The following CLRN3 variants were observed in gnomAD, a reference collection of about 807,000 sequenced individuals.
CLRN3 encodes clarin-3.
In CLRN3, 12 loss-of-function variants were observed where a neutral mutation model predicts 16.7. The observed-to-expected ratio is 0.72, with a 90% CI of 0.46 to 1.16. The LOEUF is 1.16. Ranked by LOEUF, CLRN3 falls within the 50% of genes most tolerant of loss-of-function variation. The pLI is 0.00. For missense variants in CLRN3, 296 were observed against 274.2 expected, an observed-to-expected ratio of 1.08 and a Z score of -0.56; for synonymous variants, 118 against 113.0, an observed-to-expected ratio of 1.04 and a Z score of -0.28.
At chr10:127,885,282 T>C (rs1035310549) in intron 1 of CLRN3, among the ~76,000 whole-genome samples, 2 of 152,010 alleles carry the variant, frequency 1.3e-5, no homozygotes, top group African/African-American at 2.4e-5. Context: ...CCAAGTCCCC[T>C]CCCCTTTCCC....
At chr10:127,882,499 T>C (rs1845140692) in intron 2 of CLRN3, among the ~76,000 whole-genome samples, 1 of 152,258 alleles carries the variant, frequency 6.6e-6, no homozygotes, top group African/African-American at 2.4e-5. Flanking sequence ...CATGTGGCTG[T>C]GTTTACACGA....
intron 2 of CLRN3, 76 bp downstream of exon 2, chr10:127,883,620 T>C (rs1845156047): frequency 9.7e-7 from 1 of 1,027,166 alleles, no homozygotes; most frequent in East Asian, 2.4e-5. Flanking sequence ...TGTTCATGCA[T>C]GTGTGAGAGG....
intron 2 of CLRN3, among the ~76,000 whole-genome samples, chr10:127,879,137 T>C (rs1278631643): frequency 6.6e-6 from 1 of 152,132 alleles, no homozygotes; most frequent in Non-Finnish European, 1.5e-5. Context: ...TGAGATGGGG[T>C]CTCACTCTCC....
chr10:127,886,933 G>C (rs1845201914), intron 1 of CLRN3, among the ~76,000 whole-genome samples: 1 of 152,352 alleles, frequency 6.6e-6, no homozygotes, highest in African/African-American at 2.4e-5. Flanking sequence ...GCCAGCCACT[G>C]CCTGTTGCCT....
chr10:127,881,473 T>C (rs1007579504), intron 2 of CLRN3, among the ~76,000 whole-genome samples: 5 of 152,194 alleles, frequency 3.3e-5, no homozygotes, highest in Admixed American at 6.5e-5. Context: ...GCTGGGTCCC[T>C]GTTGTTCGGC....
At chr10:127,887,088 G>T (rs1845204243) in intron 1 of CLRN3, among the ~76,000 whole-genome samples, 1 of 152,182 alleles carries the variant, frequency 6.6e-6, no homozygotes, top group Admixed American at 6.5e-5. Flanking sequence ...GCAGCCGTTG[G>T]GGGATTAATA....
At position 127,878,078 on chromosome 10, in the gene CLRN3, G is replaced by C. The variant is rs1845079272; in HGVS notation, c.*71C>G. On this transcript the variant is annotated 3_prime_UTR_variant, in exon 3 of 3. Transcript: ENST00000368671. ...TCACGTTACCATGCTGAATTGTCCA[G>C]AGAAGCTAACCAGTTACTACTCAGG... is the stretch of plus-strand genomic sequence containing the variant. The C allele has an allele frequency of 1.3e-6, 2 of 1,547,962 alleles. No homozygotes were observed. Among genetic ancestry groups the C allele is most frequent in the South Asian group, 1.2e-5 (1 of 84,508 alleles).
Position 127,892,702 on chromosome 10 carries a change from A to G in CLRN3, c.83T>C (p.Leu28Pro), listed in dbSNP as rs1845272266. Residue 28 changes from leucine (L) to proline (P), a missense_variant, in exon 1 of 3, where the codon CTT becomes CCT. Transcript: ENST00000368671. ...ACTGGTGATCCATGCTTGTGTCCCA[A>G]GAATAGAGCAAATTACAATGAAGGA... ...LGSFIVICSILGTQAWITSTI... is the reference protein window; with the variant it reads ...LGSFIVICSIPGTQAWITSTI... The G allele has an allele frequency of 1.9e-6, 3 of 1,613,402 alleles. No homozygotes were observed. The highest frequency in any genetic ancestry group is 2.2e-5 in the South Asian group (2 of 91,062).
intron 1 of CLRN3, among the ~76,000 whole-genome samples, chr10:127,888,255 A>G (rs571178931): frequency 6.6e-6 from 1 of 152,262 alleles, no homozygotes; most frequent in South Asian, 2.1e-4. Flanking sequence ...GTGGCCTGGT[A>G]GCTCTCCCAG....
At chr10:127,889,580 C>T (rs1417895824) in intron 1 of CLRN3, among the ~76,000 whole-genome samples, 1 of 152,028 alleles carries the variant, frequency 6.6e-6, no homozygotes, top group Non-Finnish European at 1.5e-5. Context: ...GCCGAGATGG[C>T]GCCACTGCAC....
intron 1 of CLRN3, among the ~76,000 whole-genome samples, chr10:127,886,782 G>A (rs1478497034): frequency 2.0e-5 from 3 of 152,232 alleles, no homozygotes; most frequent in African/African-American, 2.4e-5. Context: ...AGTCCAGCTC[G>A]CACAGGTACA....
chr10:127,888,637 G>A (rs1379680003), intron 1 of CLRN3, among the ~76,000 whole-genome samples: 1 of 152,204 alleles, frequency 6.6e-6, no homozygotes, highest in Non-Finnish European at 1.5e-5. Flanking sequence ...GGGTGGGGGA[G>A]TGCCAGATGG....
At chr10:127,890,123 C>T (rs768427457) in intron 1 of CLRN3, among the ~76,000 whole-genome samples, 4 of 152,250 alleles carry the variant, frequency 2.6e-5, no homozygotes, top group Non-Finnish European at 4.4e-5. Context: ...AGGCCAGGAA[C>T]CATGTGCAAT....
chr10:127,880,237 A>G (rs1002875148), intron 2 of CLRN3, among the ~76,000 whole-genome samples: 7 of 152,148 alleles, frequency 4.6e-5, no homozygotes, highest in African/African-American at 1.7e-4. Context: ...GGCAGGATGT[A>G]TATAGTCTAA....
chr10:127,888,646 G>C (rs1845224256), intron 1 of CLRN3, among the ~76,000 whole-genome samples: 1 of 152,170 alleles, frequency 6.6e-6, no homozygotes, highest in African/African-American at 2.4e-5. Context: ...AGTGCCAGAT[G>C]GGGAGAGACT....
intron 1 of CLRN3, among the ~76,000 whole-genome samples, chr10:127,889,014 G>A (rs775244947): frequency 2.6e-5 from 4 of 152,132 alleles, no homozygotes; most frequent in Non-Finnish European, 5.9e-5. Flanking sequence ...TCTACCTTCC[G>A]CTGTAGGCAA....
At position 127,892,607 on chromosome 10, in the gene CLRN3, T is replaced by A. The variant is rs1456920101; in HGVS notation, c.178A>T (p.Ser60Cys). ...AGTCCGTGACTCAATTCTTCACTAC[T>A]CTCCCCACGAAAAAGTCCGTAAGTG... ...FITYGLFRGE[S>C]SEELSHGLAE... is the part of the protein sequence containing the mutation. Residue 60 changes from serine (S) to cysteine (C), a missense_variant, in exon 1 of 3, where the codon AGT becomes TGT. By Grantham distance (112) the Ser-to-Cys change is moderately radical (BLOSUM62 -1). Coordinates refer to ENST00000368671, the MANE Select transcript of CLRN3 (RefSeq NM_152311.5). 1.2e-6 allele frequency: 2 copies of A among 1,613,146 alleles called. No homozygotes were observed. Among genetic ancestry groups the A allele is most frequent in the Non-Finnish European group, 1.7e-6 (2 of 1,179,114 alleles).
Position 127,883,759 on chromosome 10 carries a change from T to A in CLRN3, c.346A>T (p.Ile116Phe). 1 of 1,613,898 alleles carries A rather than the reference T, an allele frequency of 6.2e-7. No homozygotes were observed. The highest frequency in any genetic ancestry group is 2.2e-5 in the East Asian group (1 of 44,870). ...AGGAATGTCTGGTAAGGGTTGCTGA[T>A]GCTGTTGTAGAAGGTAAACCCAGAG... ...LSSGFTFYNS[I>F]SNPYQTFLGP... is the part of the protein sequence containing the mutation. The change falls in exon 2 of 3, where the codon ATC (isoleucine) becomes TTC (phenylalanine). Residue 116 changes from isoleucine to phenylalanine, a missense_variant. By Grantham distance (21) the Ile-to-Phe change is conservative (BLOSUM62 0). Transcript: ENST00000368671.
chr10:127,892,868 AT>A lies in CLRN3; in HGVS notation c.-85del. 1.3e-6 allele frequency: 1 copy of A among 790,056 alleles called. No individual in the cohort carries two copies. Among genetic ancestry groups the A allele is most frequent in the Non-Finnish European group, 2.1e-6 (1 of 473,468 alleles). 48.9% of individuals were successfully genotyped at this position (790,056 alleles called of 1,614,324 possible). ...TGAACCTTATCTTTTGAAGTCTGGT[AT>A]TTAGAAATGGAGTCTAACACTTTAT... On this transcript the variant is annotated 5_prime_UTR_variant, in exon 1 of 3. Coordinates refer to ENST00000368671, the MANE Select transcript of CLRN3 (RefSeq NM_152311.5).
Sources: gnomAD v4.1 joint callset for allele counts (sites outside exome capture counted in the v4.1 genomes callset) on GRCh38, gnomAD v4.1.1 for gene constraint, MANE v1.5 for transcripts, NCBI Gene and HGNC (gene_info 2026-07-23, HGNC 2026-07-21) for gene names.